The following PCDHGB6 variants were observed in gnomAD, a reference collection of about 807,000 sequenced individuals.
PCDHGB6 encodes protocadherin gamma subfamily B, 6.
A neutral mutation model predicts 59.1 loss-of-function variants in PCDHGB6; 51 were observed. That is an observed-to-expected ratio of 0.86 (90% CI 0.69 to 1.09). PCDHGB6 has a LOEUF of 1.09. Ranked by LOEUF, PCDHGB6 falls within the 50% of genes least tolerant of loss-of-function variation. The probability of loss-of-function intolerance (pLI) is 0.00; values close to 1 mark genes in which losing one functional copy is unlikely to be tolerated. For missense variants in PCDHGB6, 1,148 were observed against 1,205.1 expected (o/e 0.95, Z 0.70); for synonymous variants, 466 against 495.1 (o/e 0.94, Z 0.78).
chr5:141,491,646 G>T lies in PCDHGB6; in HGVS notation c.2419-3161G>T. On this transcript the variant is annotated intron_variant, in intron 1 of 3. Transcript: ENST00000520790. The surrounding 1 kb of genome is among the most constrained non-coding windows in gnomAD (Gnocchi z 6.9). ...GCGTTCAGCAGCCCACAGCTCTGGC[G>T]CTGGAGCCTGACGCCATCCGGTCCC... is the stretch of plus-strand genomic sequence containing the variant. 1 of 1,613,872 alleles carries T rather than the reference G, an allele frequency of 6.2e-7. No individual in the cohort carries two copies. The highest frequency in any genetic ancestry group is 8.5e-7 in the Non-Finnish European group (1 of 1,180,030).
At chr5:141,426,898 C>T (rs1246109323) in intron 1 of PCDHGB6, 1 of 456,634 alleles carries the variant, frequency 2.2e-6, no homozygotes, top group African/African-American at 2.0e-5. Flanking sequence ...CAACAGAGCT[C>T]TCATCTCCTG....
chr5:141,458,575 G>A (rs1337776166), intron 1 of PCDHGB6, among the ~76,000 whole-genome samples: 1 of 151,346 alleles, frequency 6.6e-6, no homozygotes, highest in Non-Finnish European at 1.5e-5. Context: ...GTTTTTGTTT[G>A]TTTGTTTGTT....
chr5:141,491,876 A>G lies in PCDHGB6; in HGVS notation c.2419-2931A>G. ...TTGCGCGAAACCAGAGTGGCCGATT[A>G]AGGGATGGGGCTCCGAGCACCGGGG... On this transcript the variant is annotated intron_variant, in intron 1 of 3. Coordinates refer to ENST00000520790, the MANE Select transcript of PCDHGB6 (RefSeq NM_018926.3). The surrounding 1 kb of genome is among the most constrained non-coding windows in gnomAD (Gnocchi z 6.9). 2.1e-6 allele frequency: 3 copies of G among 1,450,326 alleles called. No individual in the cohort carries two copies. Among genetic ancestry groups the G allele is most frequent in the Non-Finnish European group, 1.8e-6 (2 of 1,097,472 alleles). 89.8% of individuals were successfully genotyped at this position (1,450,326 alleles called of 1,614,324 possible).
intron 1 of PCDHGB6, among the ~76,000 whole-genome samples, chr5:141,484,184 AG>A (rs1328674334): frequency 6.6e-6 from 1 of 152,244 alleles, no homozygotes; most frequent in Non-Finnish European, 1.5e-5. Flanking sequence ...CAATCATTCA[AG>A]GAAGCTATTA....
chr5:141,431,004 G>A lies in PCDHGB6; in HGVS notation c.2418+20384G>A, dbSNP rs569594120. The A allele has an allele frequency of 6.2e-7, 1 of 1,614,048 alleles. No homozygotes were observed. The highest frequency in any genetic ancestry group is 1.1e-5 in the South Asian group (1 of 91,074). On this transcript the variant is annotated intron_variant, in intron 1 of 3. Coordinates refer to ENST00000520790, the MANE Select transcript of PCDHGB6 (RefSeq NM_018926.3). The surrounding 1 kb of genome is among the most constrained non-coding windows in gnomAD (Gnocchi z 4.8). ...CTTTTCGCCCTGAATCCGCGCAGCG[G>A]CAGCTTGGTCACGGCGGGCAGGATA... is the stretch of plus-strand genomic sequence containing the variant.
At position 141,485,811 on chromosome 5, in the gene PCDHGB6, C is replaced by T; in HGVS notation, c.2419-8996C>T. 6.2e-7 allele frequency: 1 copy of T among 1,614,220 alleles called. No homozygotes were observed. The highest frequency in any genetic ancestry group is 8.5e-7 in the Non-Finnish European group (1 of 1,180,028). ...CAATCGGACTACCGCCTGGTGCTGA[C>T]TGCTGTCGATGGAGGGAACCCGCCG... On this transcript the variant is annotated intron_variant, in intron 1 of 3. Transcript: ENST00000520790. This position sits in a 1 kb window ranked among gnomAD's most constrained non-coding sequence, Gnocchi z 5.7.
In PCDHGB6 at chr5:141,487,737, T is replaced by G. The variant is rs1019622307; in HGVS notation, c.2419-7070T>G. 1 of 1,563,758 alleles carries G rather than the reference T, an allele frequency of 6.4e-7. No homozygotes were observed. The highest frequency in any genetic ancestry group is 8.7e-7 in the Non-Finnish European group (1 of 1,152,772). On this transcript the variant is annotated intron_variant, in intron 1 of 3. Transcript: ENST00000520790. This position sits in a 1 kb window ranked among gnomAD's most constrained non-coding sequence, Gnocchi z 5.0. ...GCCCATAGTGATGTCACCATTTTTG[T>G]AAGAGGTAACTATGTGGTAGACGCT...
chr5:141,437,262 G>A (rs1490690532), intron 1 of PCDHGB6, among the ~76,000 whole-genome samples: 1 of 152,152 alleles, frequency 6.6e-6, no homozygotes, highest in Non-Finnish European at 1.5e-5. Flanking sequence ...CTTTTTATGT[G>A]TATGACAGAT....
At chr5:141,459,984 A>G (rs906041823) in intron 1 of PCDHGB6, among the ~76,000 whole-genome samples, 4 of 152,216 alleles carry the variant, frequency 2.6e-5, no homozygotes, top group Non-Finnish European at 5.9e-5. Flanking sequence ...AGGCTGAGAC[A>G]GGAGAATCGC....
chr5:141,420,492 TC>T (rs1172385190), intron 1 of PCDHGB6: 8 of 508,012 alleles, frequency 1.6e-5, no homozygotes, highest in Non-Finnish European at 1.8e-5. Flanking sequence ...ATGGGTAATC[TC>T]CGGTGACATT....
intron 2 of PCDHGB6, among the ~76,000 whole-genome samples, chr5:141,496,392 C>T (rs6879760): frequency 0.064 from 9,762 of 152,240 alleles, 510 homozygotes; most frequent in African/African-American, 0.15. Context: ...CCTTACCCTA[C>T]CTCCTCAATG....
chr5:141,423,494 A>C lies in PCDHGB6; in HGVS notation c.2418+12874A>C, dbSNP rs753859784. ...CAGGCTTTCCTGCAAACCTATTCCCACGAGGTCTCTCTCATTGCGGACTCG... is the reference window on the plus strand; with the variant it reads ...CAGGCTTTCCTGCAAACCTATTCCCCCGAGGTCTCTCTCATTGCGGACTCG... On this transcript the variant is annotated intron_variant, in intron 1 of 3. Transcript: ENST00000520790. The C allele has an allele frequency of 3.8e-5, 61 of 1,613,842 alleles. No individual in the cohort carries two copies. The highest frequency in any genetic ancestry group is 5.9e-6 in the Non-Finnish European group (7 of 1,179,940).
chr5:141,433,359 C>CTATCTATCTATA, intron 1 of PCDHGB6: 1 of 228,708 alleles, frequency 4.4e-6, no homozygotes, highest in South Asian at 4.1e-5. Context: ...TACTGTCTGC[C>CTATCTATCTATA]TATCTATCTA....
chr5:141,427,652 G>T, intron 1 of PCDHGB6: 1 of 721,166 alleles, frequency 1.4e-6, no homozygotes, highest in Non-Finnish European at 2.5e-6. Flanking sequence ...TCTCCTACGT[G>T]GTCCACGTGG....
In PCDHGB6 at chr5:141,409,828, C is replaced by CG. The variant is rs2095322406; in HGVS notation, c.1626_1627insG (p.Ser543GlufsTer15). 6.2e-7 allele frequency: 1 copy of CG among 1,611,010 alleles called. No homozygotes were observed. The highest frequency in any genetic ancestry group is 1.3e-5 in the African/African-American group (1 of 74,876). On this transcript the variant is annotated frameshift_variant, in exon 1 of 4. Transcript: ENST00000520790. LOFTEE classifies it high-confidence loss of function. ...CCCGCGACCACGGCTCGCCCACGCT[C>CG]AGCGCCAACGTGAGCCTGCGCGTGT... is the stretch of plus-strand genomic sequence containing the variant.
Position 141,491,095 on chromosome 5 carries a change from T to C in PCDHGB6, c.2419-3712T>C, listed in dbSNP as rs1366401829. On this transcript the variant is annotated intron_variant, in intron 1 of 3. Coordinates refer to ENST00000520790, the MANE Select transcript of PCDHGB6 (RefSeq NM_018926.3). The surrounding 1 kb of genome is among the most constrained non-coding windows in gnomAD (Gnocchi z 6.9). ...GCCACAGTCCACAGCCCCAGGACTG[T>C]TCCTCGTGTCTACACACACTGGTGA... The C allele has an allele frequency of 3.7e-6, 6 of 1,614,154 alleles. No homozygotes were observed. The highest frequency in any genetic ancestry group is 4.2e-6 in the Non-Finnish European group (5 of 1,180,014).
At chr5:141,510,580 G>A (rs947369646) in intron 3 of PCDHGB6, among the ~76,000 whole-genome samples, 7 of 152,248 alleles carry the variant, frequency 4.6e-5, no homozygotes, top group South Asian at 2.1e-4. Flanking sequence ...ACTATTTTAC[G>A]TACCTGACAT....
chr5:141,430,615 A>G, intron 1 of PCDHGB6: 1 of 686,990 alleles, frequency 1.5e-6, no homozygotes, highest in Non-Finnish European at 2.2e-6. Context: ...CAAAGCAGAT[A>G]GCTAGGAATG....
intron 1 of PCDHGB6, among the ~76,000 whole-genome samples, chr5:141,436,491 T>G (rs546883133): frequency 6.6e-6 from 1 of 152,182 alleles, no homozygotes; most frequent in Non-Finnish European, 1.5e-5. Flanking sequence ...GATAGCAGCT[T>G]TGCAATTAGG....
Sources: gnomAD v4.1 joint callset for allele counts (sites outside exome capture counted in the v4.1 genomes callset) on GRCh38, gnomAD v4.1.1 for gene constraint, Gnocchi (gnomAD v3.1) non-coding constraint, MANE v1.5 for transcripts, NCBI Gene and HGNC (gene_info 2026-07-23, HGNC 2026-07-21) for gene names.